Variants in LNX2 observed in about 807,000 individuals in gnomAD.
LNX2 encodes the protein ligand of numb-protein X 2, also known as ligand of Numb protein X 2.
Under a neutral mutation model 66.2 loss-of-function variants are expected in LNX2, and 35 were observed. That is an observed-to-expected ratio of 0.53 (90% CI 0.40 to 0.70). The LOEUF (loss-of-function observed/expected upper bound fraction) is 0.70. Ranked by LOEUF, LNX2 falls within the 30% of genes least tolerant of loss-of-function variation. The pLI is 0.00. For synonymous variants in LNX2, 337 were observed against 315.6 expected (o/e 1.07, Z -0.72); for missense variants, 791 against 850.8 (o/e 0.93, Z 0.87).
rs573735334 is a variant in LNX2, at chr13:27,548,130, T to G, written c.*205A>C. The stretch of plus-strand genomic sequence containing the variant: ...GAAAATATAAACTCACAAAGGTTAG[T>G]GGAAGACTGTTTCCAAGCTAAAAGA... On this transcript the variant is annotated 3_prime_UTR_variant, in exon 10 of 10. Transcript: ENST00000316334. 1.5e-4 allele frequency: 80 copies of G among 540,690 alleles called. 1 individual carries two copies. The highest frequency in any genetic ancestry group is 1.0e-3 in the South Asian group (41 of 40,182). The allele number at this position is 540,690 out of a possible 1,614,324, so 33.5% of individuals were successfully genotyped here. A position where few individuals can be genotyped will look rare whatever the true frequency, so the allele number is the denominator to read the frequency against.
chr13:27,577,049 G>A (rs1040092956), intron 2 of LNX2, among the ~76,000 whole-genome samples: 3 of 151,878 alleles, frequency 2.0e-5, no homozygotes, highest in African/African-American at 7.3e-5. Flanking sequence ...ATCTGGTAAG[G>A]GTCTAGTATC....
intron 1 of LNX2, among the ~76,000 whole-genome samples, chr13:27,608,014 T>C (rs1486105586): frequency 1.3e-5 from 2 of 152,182 alleles, no homozygotes; most frequent in East Asian, 3.8e-4. Flanking sequence ...TTTCTCTTCC[T>C]GCCCCACAGC....
intron 1 of LNX2, among the ~76,000 whole-genome samples, chr13:27,598,821 A>C (rs1955626667): frequency 6.6e-6 from 1 of 152,188 alleles, no homozygotes. Context: ...GTATATATAT[A>C]CACAAACATG....
At chr13:27,597,986 ACT>A (rs535020705) in intron 1 of LNX2, among the ~76,000 whole-genome samples, 1 of 152,162 alleles carries the variant, frequency 6.6e-6, no homozygotes, top group Non-Finnish European at 1.5e-5. Context: ...TTACTATTTT[ACT>A]CTATAAACTG....
chr13:27,566,616 AGGAGAGTTG>A (rs1955208656), intron 4 of LNX2, among the ~76,000 whole-genome samples: 1 of 152,112 alleles, frequency 6.6e-6, no homozygotes, highest in South Asian at 2.1e-4. Context: ...GATTTAAGGG[AGGAGAGTTG>A]GGAGGCAGAA....
intron 4 of LNX2, among the ~76,000 whole-genome samples, chr13:27,564,930 C>T (rs1275363251): frequency 1.3e-5 from 2 of 152,124 alleles, no homozygotes; most frequent in Non-Finnish European, 2.9e-5. Flanking sequence ...CTCCAACACA[C>T]CAGTTAAAAG....
At position 27,548,045 on chromosome 13, in the gene LNX2, A is replaced by T. The variant is rs1954963064; in HGVS notation, c.*290T>A. The T allele has an allele frequency of 5.8e-6, 2 of 346,164 alleles. No homozygotes were observed. The highest frequency in any genetic ancestry group is 4.2e-5 in the African/African-American group (2 of 47,888). 21.4% of individuals were successfully genotyped at this position (346,164 alleles called of 1,614,324 possible). ...AAGGTCTTTACTCCATCTGGGGCAC[A>T]GTTTGGGTGAGCTTTGCTCATTACC... On this transcript the variant is annotated 3_prime_UTR_variant, in exon 10 of 10. Transcript: ENST00000316334.
chr13:27,617,004 T>G (rs914617369), intron 1 of LNX2, among the ~76,000 whole-genome samples: 1 of 152,180 alleles, frequency 6.6e-6, no homozygotes, highest in Non-Finnish European at 1.5e-5. Flanking sequence ...CGCCTCAGCC[T>G]CCCAAAGTGC....
intron 1 of LNX2, among the ~76,000 whole-genome samples, chr13:27,586,295 T>C (rs1955486453): frequency 6.6e-6 from 1 of 152,140 alleles, no homozygotes; most frequent in Non-Finnish European, 1.5e-5. Flanking sequence ...ACCCATTCCT[T>C]CTGGCTTTAA....
chr13:27,612,811 A>G (rs1296010477), intron 1 of LNX2, among the ~76,000 whole-genome samples: 1 of 152,156 alleles, frequency 6.6e-6, no homozygotes, highest in Non-Finnish European at 1.5e-5. Flanking sequence ...GCTAGGCTCA[A>G]AATCCTAAGC....
Position 27,550,495 on chromosome 13 carries a change from TAAAC to T in LNX2, c.1779-8_1779-5del. The T allele has an allele frequency of 6.3e-7, 1 of 1,594,978 alleles. No homozygotes were observed. Among genetic ancestry groups the T allele is most frequent in the Non-Finnish European group, 8.5e-7 (1 of 1,173,272 alleles). ...ATCGTGGCAGCTATGAAGTGTGCTA[TAAAC>T]AAACAGAAAAATAAAGAAAAAATTA... On this transcript the variant is annotated splice_region_variant and splice_polypyrimidine_tract_variant and intron_variant, in intron 8 of 9. Coordinates refer to ENST00000316334, the MANE Select transcript of LNX2 (RefSeq NM_153371.4).
chr13:27,583,201 T>TGCACGC, intron 1 of LNX2, among the ~76,000 whole-genome samples: 1 of 14,026 alleles, frequency 7.1e-5, no homozygotes, highest in East Asian at 1.9e-3. Context: ...TGTGTGTGTG[T>TGCACGC]GTGTGTGTGT....
chr13:27,598,406 T>C (rs569545428), intron 1 of LNX2, among the ~76,000 whole-genome samples: 1 of 152,260 alleles, frequency 6.6e-6, no homozygotes, highest in Non-Finnish European at 1.5e-5. Context: ...ATGAGACCGA[T>C]GTCACAAAAT....
At chr13:27,584,577 T>C (rs886661515) in intron 1 of LNX2, among the ~76,000 whole-genome samples, 2 of 151,924 alleles carry the variant, frequency 1.3e-5, no homozygotes, top group Non-Finnish European at 2.9e-5. Context: ...TCCCAGTTAA[T>C]TGGGAGGCTG....
chr13:27,581,217 TG>T, intron 2 of LNX2, 79 bp downstream of exon 2: 1 of 1,207,800 alleles, frequency 8.3e-7, no homozygotes, highest in Non-Finnish European at 1.1e-6. Context: ...TGGTTTGTTT[TG>T]TTTTAATCAA....
intron 1 of LNX2, among the ~76,000 whole-genome samples, chr13:27,594,484 T>C (rs937650543): frequency 6.6e-6 from 1 of 152,214 alleles, no homozygotes; most frequent in African/African-American, 2.4e-5. Context: ...ACCACTCTTA[T>C]CTTCTTCTTC....
rs769211502 is a variant in LNX2, at chr13:27,556,317, T to A, written c.1465A>T (p.Ser489Cys). 2.5e-6 allele frequency: 4 copies of A among 1,614,052 alleles called. No individual in the cohort carries two copies. The East Asian group carries it at 6.7e-5, about 27-fold the overall frequency. ...LGMTVAGGRG[S>C]KSGELPIFVT... Reference sequence around the variant, plus strand: ...AAGATGGGCAGCTCACCACTCTTACTTCCCCTGCCCCCAGCAACGGTCATG... The same window carrying A: ...AAGATGGGCAGCTCACCACTCTTACATCCCCTGCCCCCAGCAACGGTCATG... Residue 489 changes from serine (S) to cysteine (C), a missense_variant, in exon 7 of 10, where the codon AGT becomes TGT. Physicochemically the swap from Ser to Cys is moderately radical, Grantham distance 112 (BLOSUM62 -1). Coordinates refer to ENST00000316334, the MANE Select transcript of LNX2 (RefSeq NM_153371.4).
chr13:27,574,495 G>T (rs957638467), intron 2 of LNX2, among the ~76,000 whole-genome samples: 2 of 151,422 alleles, frequency 1.3e-5, no homozygotes, highest in Non-Finnish European at 1.5e-5. Context: ...TTGCAGATAG[G>T]TTTATTGAGA....
chr13:27,575,656 C>A (rs550869943), intron 2 of LNX2, among the ~76,000 whole-genome samples: 2 of 152,070 alleles, frequency 1.3e-5, no homozygotes, highest in East Asian at 3.9e-4. Context: ...GGGTTGCCAG[C>A]GTGCAGAGAG....
Sources: gnomAD v4.1 joint callset for allele counts (sites outside exome capture counted in the v4.1 genomes callset) on GRCh38, gnomAD v4.1.1 for gene constraint, MANE v1.5 for transcripts, NCBI Gene and HGNC (gene_info 2026-07-23, HGNC 2026-07-21) for gene names.